TMEM131L: variants seen among roughly 807,000 people sequenced by gnomAD.
The protein encoded by TMEM131L is transmembrane 131 like.
In TMEM131L, 54 loss-of-function variants were observed where a neutral mutation model predicts 192.2. That is an observed-to-expected ratio of 0.28 (90% CI 0.23 to 0.35). TMEM131L has a LOEUF of 0.35. Among genes scored for constraint, TMEM131L ranks in the 10% least tolerant of loss-of-function variants. The pLI is 1.00. For synonymous variants in TMEM131L, 701 were observed against 704.9 expected (o/e 0.99, Z 0.09); for missense variants, 1,888 against 1,972.9 (o/e 0.96, Z 0.82).
chr4:153,521,867 T>G (rs1415962585), intron 3 of TMEM131L, among the ~76,000 whole-genome samples: 23 of 151,658 alleles, frequency 1.5e-4, no homozygotes, highest in African/African-American at 5.6e-4. Context: ...TCTGTGTTTT[T>G]TTTTTTTTTT....
intron 33 of TMEM131L, among the ~76,000 whole-genome samples, 196 bp from the exon 34 acceptor site, chr4:153,635,235 TC>T (rs1199784095): frequency 6.6e-6 from 1 of 152,190 alleles, no homozygotes; most frequent in Non-Finnish European, 1.5e-5. Context: ...ATTGAGGGCT[TC>T]CCAGGTTGTG....
chr4:153,556,522 A>C (rs1728466652), intron 5 of TMEM131L, among the ~76,000 whole-genome samples: 1 of 150,844 alleles, frequency 6.6e-6, no homozygotes, highest in Non-Finnish European at 1.5e-5. Flanking sequence ...TAAAAAAAAA[A>C]CTAGGACTAA....
chr4:153,483,605 C>T (rs1732099481), intron 3 of TMEM131L, among the ~76,000 whole-genome samples: 1 of 152,164 alleles, frequency 6.6e-6, no homozygotes, highest in African/African-American at 2.4e-5. Flanking sequence ...CAGGCTGAGG[C>T]TCACTTGAGC....
chr4:153,548,152 A>G (rs1250990764), intron 3 of TMEM131L, among the ~76,000 whole-genome samples: 2 of 152,092 alleles, frequency 1.3e-5, no homozygotes, highest in East Asian at 1.9e-4. Context: ...TCCGGAGGCA[A>G]CTTCTCTGCA....
intron 2 of TMEM131L, among the ~76,000 whole-genome samples, chr4:153,471,076 C>T (rs1731128431): frequency 6.6e-6 from 1 of 152,070 alleles, no homozygotes; most frequent in African/African-American, 2.4e-5. Context: ...CAACCTCCGC[C>T]TCCTGGGTTC....
Position 153,558,348 on chromosome 4 carries a change from A to G in TMEM131L, c.640A>G (p.Ile214Val), listed in dbSNP as rs1192593361. The G allele has an allele frequency of 1.2e-6, 2 of 1,603,044 alleles. No individual in the cohort carries two copies. Among genetic ancestry groups the G allele is most frequent in the Non-Finnish European group, 1.7e-6 (2 of 1,171,632 alleles). Reference protein sequence around the residue: ...AYFLLPKVQSIQLSQMQAETT... With the variant: ...AYFLLPKVQSVQLSQMQAETT... ...TTTTCTGCTTCCAAAGGTCCAGAGC[A>G]TTCAGCTGTCTCAAATGCAGGTCAT... is the stretch of plus-strand genomic sequence containing the variant. Residue 214 changes from isoleucine (I) to valine (V), a missense_variant, in exon 7 of 35, where the codon ATT (isoleucine) becomes GTT (valine). Coordinates refer to ENST00000409959, the MANE Select transcript of TMEM131L (RefSeq NM_001131007.2).
At chr4:153,566,518 A>AGAGT (rs1554034167) in intron 7 of TMEM131L, among the ~76,000 whole-genome samples, 4 of 145,758 alleles carry the variant, frequency 2.7e-5, no homozygotes, top group Admixed American at 6.8e-5. Context: ...TGTGAGTGTG[A>AGAGT]GTGTGTGTGT....
chr4:153,545,226 A>G (rs1737079248), intron 3 of TMEM131L, among the ~76,000 whole-genome samples: 1 of 151,790 alleles, frequency 6.6e-6, no homozygotes, highest in Non-Finnish European at 1.5e-5. Context: ...ACGTCACACT[A>G]GGACCTGACC....
intron 7 of TMEM131L, among the ~76,000 whole-genome samples, chr4:153,570,375 G>A (rs1298438202): frequency 6.6e-6 from 1 of 152,152 alleles, no homozygotes; most frequent in Admixed American, 6.5e-5. Context: ...ATTCATGCTG[G>A]TTGTGGAGTC....
intron 3 of TMEM131L, among the ~76,000 whole-genome samples, chr4:153,523,169 A>G (rs554876298): frequency 3.9e-5 from 6 of 152,232 alleles, no homozygotes; most frequent in Non-Finnish European, 8.8e-5. Context: ...ATGTTAGAAT[A>G]AAATCTGAAA....
chr4:153,608,836 G>GT (rs1441852332), intron 25 of TMEM131L, among the ~76,000 whole-genome samples: 2 of 152,086 alleles, frequency 1.3e-5, no homozygotes, highest in Non-Finnish European at 2.9e-5. Context: ...ATTTGTTTCT[G>GT]TTTTTTAACC....
chr4:153,516,023 T>G (rs1175553623), intron 3 of TMEM131L, among the ~76,000 whole-genome samples: 1 of 152,000 alleles, frequency 6.6e-6, no homozygotes, highest in Non-Finnish European at 1.5e-5. Flanking sequence ...GAGCCACTGG[T>G]CTCAGCTCAA....
At chr4:153,548,731 A>G (rs1737383276) in intron 3 of TMEM131L, among the ~76,000 whole-genome samples, 1 of 152,180 alleles carries the variant, frequency 6.6e-6, no homozygotes, top group Non-Finnish European at 1.5e-5. Context: ...GGAAGAAAAG[A>G]TTGCAACTAG....
chr4:153,531,506 G>A (rs1735899980), intron 3 of TMEM131L, among the ~76,000 whole-genome samples: 1 of 152,128 alleles, frequency 6.6e-6, no homozygotes, highest in South Asian at 2.1e-4. Context: ...ATTACTGGAG[G>A]AAAGGAATAT....
At chr4:153,565,504 T>C (rs759992607) in intron 7 of TMEM131L, among the ~76,000 whole-genome samples, 7 of 152,250 alleles carry the variant, frequency 4.6e-5, no homozygotes, top group Non-Finnish European at 7.3e-5. Context: ...TTATTAACTT[T>C]TTGTAATTTT....
rs776439987 is a variant in TMEM131L at position 153,602,213 on chromosome 4, A to T, written c.2328A>T (p.Gly776=). ...ITKNFKVENI[G]PLPITVSSLK... is the part of the protein sequence containing the mutation. ...AGAACTTTAAAGTTGAGAATATTGG[A>T]CCTCTTCCTATAACTGTTTCGTCTC... Residue 776 remains glycine, a synonymous_variant, in exon 22 of 35, where the codon GGA becomes GGT. Coordinates refer to ENST00000409959, the MANE Select transcript of TMEM131L (RefSeq NM_001131007.2). 1 of 1,612,410 alleles carries T rather than the reference A, an allele frequency of 6.2e-7. No homozygotes were observed. The highest frequency in any genetic ancestry group is 1.3e-5 in the African/African-American group (1 of 74,858).
chr4:153,594,590 ACT>A (rs1269405270), intron 19 of TMEM131L, among the ~76,000 whole-genome samples: 1 of 152,124 alleles, frequency 6.6e-6, no homozygotes, highest in Non-Finnish European at 1.5e-5. Flanking sequence ...TATGCGGATA[ACT>A]CTATTTTTAC....
intron 21 of TMEM131L, among the ~76,000 whole-genome samples, chr4:153,599,285 C>T (rs766341819): frequency 4.6e-5 from 7 of 152,138 alleles, no homozygotes; most frequent in South Asian, 4.1e-4. Context: ...TTGCGGGAGT[C>T]GGGGGAGGGT....
rs1730693977 is a variant in TMEM131L, at chr4:153,586,303, T to C, written c.1406T>C (p.Phe469Ser). ...GTTAAAGACATTGCCATAAATCTAT[T>C]CACCAATGTATTTTTGACTACAAAC... ...LAVKDIAINL[F>S]TNVFLTTNIG... The change falls in exon 14 of 35, where the codon TTC becomes TCC. Residue 469 changes from phenylalanine (F) to serine (S), a missense_variant. Coordinates refer to ENST00000409959, the MANE Select transcript of TMEM131L (RefSeq NM_001131007.2). The C allele has an allele frequency of 1.2e-6, 2 of 1,605,430 alleles. No homozygotes were observed. Among genetic ancestry groups the C allele is most frequent in the Non-Finnish European group, 1.7e-6 (2 of 1,176,694 alleles).
Sources: allele counts gnomAD v4.1 joint callset (sites outside exome capture counted in the v4.1 genomes callset), GRCh38; gene constraint gnomAD v4.1.1; transcripts MANE v1.5; gene names NCBI Gene and HGNC (gene_info 2026-07-23, HGNC 2026-07-21).